Variants in CDK5RAP2 observed in about 807,000 individuals in gnomAD.
CDK5RAP2 encodes the protein CDK5 regulatory subunit associated protein 2.
In CDK5RAP2, 147 loss-of-function variants were observed where a neutral mutation model predicts 232.9. The ratio of observed to expected loss-of-function variants is 0.63; its 90% confidence interval spans 0.55 to 0.72. CDK5RAP2 has a LOEUF of 0.72. CDK5RAP2 is among the 30% of genes least tolerant of loss of function. CDK5RAP2 has a pLI of 0.00. For synonymous variants in CDK5RAP2, 833 were observed against 833.7 expected (o/e 1.00, Z 0.01); for missense variants, 2,195 against 2,231.5 (o/e 0.98, Z 0.33).
chr9:120,504,880 G>C (rs1165558496), intron 12 of CDK5RAP2, among the ~76,000 whole-genome samples: 1 of 151,676 alleles, frequency 6.6e-6, no homozygotes, highest in Non-Finnish European at 1.5e-5. Flanking sequence ...TATCCTTCAA[G>C]GCCCAATTCA....
chr9:120,457,270 G>A (rs1358591845), intron 20 of CDK5RAP2, among the ~76,000 whole-genome samples: 1 of 152,150 alleles, frequency 6.6e-6, no homozygotes, highest in Non-Finnish European at 1.5e-5. Flanking sequence ...GTTGCCAGAA[G>A]GGAGCATTCC....
Position 120,473,477 on chromosome 9 carries a change from G to A in CDK5RAP2, c.1728-1599C>T, listed in dbSNP as rs896153277. Among the ~76,000 whole-genome samples, 12 of 152,320 alleles carry A rather than the reference G, an allele frequency of 7.9e-5. 1 individual carries two copies. The highest frequency in any genetic ancestry group is 3.4e-3 in the Middle Eastern group (1 of 294). On this transcript the variant is annotated intron_variant, in intron 15 of 37. Coordinates refer to ENST00000349780, the MANE Select transcript of CDK5RAP2 (RefSeq NM_018249.6). Reference sequence around the variant, plus strand: ...GTGCCAGACTCCTCAAAGAAGCCCCGCTTCTCCTTCAGAGACTTCCAGCTC... The same window carrying A: ...GTGCCAGACTCCTCAAAGAAGCCCCACTTCTCCTTCAGAGACTTCCAGCTC...
At chr9:120,424,976 C>T (rs1226671795) in intron 25 of CDK5RAP2, among the ~76,000 whole-genome samples, 2 of 152,152 alleles carry the variant, frequency 1.3e-5, no homozygotes, top group Admixed American at 6.5e-5. Flanking sequence ...GGATTACAGG[C>T]GTGAGCCACT....
intron 11 of CDK5RAP2, among the ~76,000 whole-genome samples, chr9:120,524,359 G>A (rs915543716): frequency 2.6e-5 from 4 of 152,094 alleles, no homozygotes; most frequent in Admixed American, 1.3e-4. Context: ...TCACAAATAC[G>A]GCCGGGCGCA....
chr9:120,473,394 A>G (rs944747505), intron 15 of CDK5RAP2, among the ~76,000 whole-genome samples: 4 of 152,126 alleles, frequency 2.6e-5, no homozygotes, highest in Admixed American at 2.0e-4. Flanking sequence ...CTTTCATCAG[A>G]TTTTTCAAAA....
At position 120,458,578 on chromosome 9, in the gene CDK5RAP2, T is replaced by G. The variant is rs2036914003; in HGVS notation, c.2247A>C (p.Leu749Phe). The G allele has an allele frequency of 6.2e-7, 1 of 1,614,156 alleles. No homozygotes were observed. The highest frequency in any genetic ancestry group is 2.2e-5 in the East Asian group (1 of 44,876). ...LSKGGCKNGYLRHTESKISDC... is the reference protein window; with the variant it reads ...LSKGGCKNGYFRHTESKISDC... ...CTGAAATCTTAGACTCCGTGTGCCT[T>G]AAGTATCCATTTTTGCAGCCTCCTT... Residue 749 changes from leucine to phenylalanine, a missense_variant, in exon 20 of 38, where the codon TTA (leucine) becomes TTC (phenylalanine). Physicochemically the swap from Leu to Phe is conservative, Grantham distance 22. Transcript: ENST00000349780.
intron 23 of CDK5RAP2, among the ~76,000 whole-genome samples, chr9:120,442,161 A>G (rs769328527): frequency 6.6e-6 from 1 of 152,206 alleles, no homozygotes; most frequent in South Asian, 2.1e-4. Flanking sequence ...ATTTTACAGA[A>G]GAGGAAGTTG....
At chr9:120,534,364 C>G (rs1041539378) in intron 7 of CDK5RAP2, among the ~76,000 whole-genome samples, 2 of 152,096 alleles carry the variant, frequency 1.3e-5, no homozygotes, top group Non-Finnish European at 2.9e-5. Flanking sequence ...GTACTTCTCC[C>G]GGGAAGCTTT....
At chr9:120,449,479 T>C (rs2036371862) in intron 21 of CDK5RAP2, among the ~76,000 whole-genome samples, 1 of 152,240 alleles carries the variant, frequency 6.6e-6, no homozygotes, top group African/African-American at 2.4e-5. Flanking sequence ...ATCTTGGCCA[T>C]ACTCTCTGTA....
intron 3 of CDK5RAP2, 61 bp downstream of exon 3, chr9:120,568,260 T>C: frequency 1.5e-6 from 2 of 1,306,668 alleles, no homozygotes; most frequent in Non-Finnish European, 1.1e-6. Flanking sequence ...TTCCTGGGTC[T>C]GGCTGGACAG....
Position 120,402,793 on chromosome 9 carries a change from G to C in CDK5RAP2, c.5307+13C>G, listed in dbSNP as rs2033138864. ...GGAGCAGCTTGTGCCCCCCAGCTCTGTGGTCAGGTTACCTTTGTTCCCAGC... is the reference window on the plus strand; with the variant it reads ...GGAGCAGCTTGTGCCCCCCAGCTCTCTGGTCAGGTTACCTTTGTTCCCAGC... On this transcript the variant is annotated intron_variant, in intron 34 of 37. Transcript: ENST00000349780. The C allele has an allele frequency of 6.2e-7, 1 of 1,613,642 alleles. No individual in the cohort carries two copies. The highest frequency in any genetic ancestry group is 8.5e-7 in the Non-Finnish European group (1 of 1,180,000).
Position 120,453,824 on chromosome 9 carries a change from A to G in CDK5RAP2, c.2425T>C (p.Leu809=). 6.2e-7 allele frequency: 1 copy of G among 1,614,202 alleles called. No individual in the cohort carries two copies. Among genetic ancestry groups the G allele is most frequent in the Non-Finnish European group, 8.5e-7 (1 of 1,180,036 alleles). ...TCTCCAGAAACTTCCTGCTCTGTCAAGAATAGTTGTCCCAGAAGCAGTTCC... is the reference window on the plus strand; with the variant it reads ...TCTCCAGAAACTTCCTGCTCTGTCAGGAATAGTTGTCCCAGAAGCAGTTCC... ...VRELLLGQLF[L]TEQEVSGEHL... Residue 809 remains leucine, a synonymous_variant, in exon 21 of 38, where the codon TTG becomes CTG. Coordinates refer to ENST00000349780, the MANE Select transcript of CDK5RAP2 (RefSeq NM_018249.6).
At chr9:120,510,473 C>T (rs1165295815) in intron 12 of CDK5RAP2, among the ~76,000 whole-genome samples, 1 of 152,170 alleles carries the variant, frequency 6.6e-6, no homozygotes, top group Non-Finnish European at 1.5e-5. Flanking sequence ...CTCTCCCACA[C>T]CCACCCTGAG....
At chr9:120,496,416 C>A (rs1279301315) in intron 12 of CDK5RAP2, among the ~76,000 whole-genome samples, 2 of 143,150 alleles carry the variant, frequency 1.4e-5, no homozygotes, top group African/African-American at 2.6e-5. Flanking sequence ...GCCAGCCGCC[C>A]TGTCCGGGAG....
At chr9:120,468,122 T>C in intron 17 of CDK5RAP2, 125 bp from the exon 18 acceptor site, 1 of 900,848 alleles carries the variant, frequency 1.1e-6, no homozygotes. Context: ...ATCAGGCTGA[T>C]TCTAGCCCTC....
intron 1 of CDK5RAP2, among the ~76,000 whole-genome samples, chr9:120,577,981 G>C (rs1022280439): frequency 1.3e-5 from 2 of 152,156 alleles, no homozygotes; most frequent in Non-Finnish European, 2.9e-5. Flanking sequence ...TTAAAAAATA[G>C]TTCTCACGCC....
At chr9:120,491,538 T>A in intron 12 of CDK5RAP2, 61 bp from the exon 13 acceptor site, 2 of 1,178,896 alleles carry the variant, frequency 1.7e-6, no homozygotes, top group Non-Finnish European at 1.3e-6. Flanking sequence ...TCTTATGTGT[T>A]TGACTTGCTA....
chr9:120,526,900 T>C (rs772203628), intron 10 of CDK5RAP2, among the ~76,000 whole-genome samples: 1 of 152,088 alleles, frequency 6.6e-6, no homozygotes, highest in Non-Finnish European at 1.5e-5. Context: ...GTCCCTGCCT[T>C]CCTTCCCAAC....
chr9:120,577,879 GCTAT>G (rs1198656007), intron 1 of CDK5RAP2, among the ~76,000 whole-genome samples: 2 of 152,172 alleles, frequency 1.3e-5, no homozygotes, highest in African/African-American at 2.4e-5. Flanking sequence ...AATAAGAATG[GCTAT>G]CTGAGAGAAT....
Sources: gnomAD v4.1 joint callset for allele counts (sites outside exome capture counted in the v4.1 genomes callset) on GRCh38, gnomAD v4.1.1 for gene constraint, MANE v1.5 for transcripts, NCBI Gene and HGNC (gene_info 2026-07-23, HGNC 2026-07-21) for gene names.